CEP112: variants seen among roughly 807,000 people sequenced by gnomAD.
CEP112 encodes centrosomal protein of 112 kDa.
CEP112 carries 127 observed loss-of-function variants against 153.0 expected under a neutral mutation model. The observed-to-expected ratio is 0.83, with a 90% CI of 0.72 to 0.96. The LOEUF is 0.96. Among genes scored for constraint, CEP112 ranks in the 40% least tolerant of loss-of-function variants. The pLI is 0.00. For synonymous variants in CEP112, 358 were observed against 374.4 expected (o/e 0.96, Z 0.51); for missense variants, 1,089 against 1,101.2 (o/e 0.99, Z 0.16).
intron 2 of CEP112, 76 bp downstream of exon 2, chr17:66,183,118 A>G (rs1425766634): frequency 2.0e-6 from 2 of 999,264 alleles, no homozygotes; most frequent in Non-Finnish European, 2.9e-6. Context: ...TTCCATGTTG[A>G]TAGTTCATTG....
At chr17:65,640,152 ATAT>A (rs1294825101) in intron 25 of CEP112, among the ~76,000 whole-genome samples, 25 of 68,682 alleles carry the variant, frequency 3.6e-4, no homozygotes, top group African/African-American at 1.9e-3. Flanking sequence ...ATATATATAT[ATAT>A]TTTTTTTTTT....
Position 65,750,535 on chromosome 17 carries a change from T to C in CEP112, c.2457+127A>G, listed in dbSNP as rs2145246054. On this transcript the variant is annotated intron_variant, in intron 22 of 26. Transcript: ENST00000535342. Reference sequence around the variant, plus strand: ...TTGTTTATTTGTATACCCATAAAAATATGATACCATTCCACAAAAAAAAAC... The same window carrying C: ...TTGTTTATTTGTATACCCATAAAAACATGATACCATTCCACAAAAAAAAAC... The C allele has an allele frequency of 5.7e-6, 4 of 707,418 alleles. No homozygotes were observed. In the East Asian group the frequency reaches 8.0e-5, roughly 14 times the overall value. 43.8% of individuals were successfully genotyped at this position (707,418 alleles called of 1,614,324 possible).
At chr17:65,742,991 C>T (rs1182629755) in intron 23 of CEP112, 77 bp downstream of exon 23, 9 of 1,174,724 alleles carry the variant, frequency 7.7e-6, no homozygotes, top group Non-Finnish European at 8.3e-6. Flanking sequence ...TTCATCTGCC[C>T]ACTGCTGGGA....
chr17:65,731,268 T>C (rs140404865), intron 23 of CEP112, among the ~76,000 whole-genome samples: 79 of 152,292 alleles, frequency 5.2e-4, no homozygotes, highest in Non-Finnish European at 9.1e-4. Context: ...TATACCATGA[T>C]AAAGAGAGTC....
At chr17:65,794,312 G>A (rs2054777013) in intron 21 of CEP112, among the ~76,000 whole-genome samples, 2 of 152,142 alleles carry the variant, frequency 1.3e-5, no homozygotes, top group South Asian at 4.1e-4. Context: ...ATAGACAAAT[G>A]ATCTGTTTCA....
intron 21 of CEP112, among the ~76,000 whole-genome samples, chr17:65,842,824 T>C (rs779603563): frequency 6.6e-5 from 10 of 152,320 alleles, no homozygotes; most frequent in Non-Finnish European, 1.2e-4. Context: ...TGGTTTGATT[T>C]GTGTATTTTG....
At chr17:66,004,596 G>A (rs1451401117) in intron 17 of CEP112, among the ~76,000 whole-genome samples, 3 of 152,062 alleles carry the variant, frequency 2.0e-5, no homozygotes, top group Non-Finnish European at 4.4e-5. Flanking sequence ...ATATTGACAA[G>A]GTAAACAAAT....
intron 23 of CEP112, among the ~76,000 whole-genome samples, chr17:65,718,195 C>CAGG (rs1338143205): frequency 6.6e-6 from 1 of 152,076 alleles, no homozygotes; most frequent in Non-Finnish European, 1.5e-5. Flanking sequence ...CACCTGAGGT[C>CAGG]AGGAGTTCGA....
At chr17:65,897,551 TC>T (rs1340238865) in intron 20 of CEP112, among the ~76,000 whole-genome samples, 1 of 152,114 alleles carries the variant, frequency 6.6e-6, no homozygotes, top group Non-Finnish European at 1.5e-5. Flanking sequence ...AATTTCTACT[TC>T]CTAAAGACAC....
At chr17:65,969,871 C>T (rs1037672958) in intron 17 of CEP112, among the ~76,000 whole-genome samples, 2 of 152,156 alleles carry the variant, frequency 1.3e-5, no homozygotes, top group South Asian at 4.1e-4. Flanking sequence ...ATTACATGTG[C>T]ATTATGTGTA....
intron 17 of CEP112, among the ~76,000 whole-genome samples, chr17:66,004,793 T>C (rs1343678632): frequency 6.6e-6 from 1 of 152,212 alleles, no homozygotes; most frequent in African/African-American, 2.4e-5. Flanking sequence ...GGTATTCTTT[T>C]TGGCCTTTCT....
chr17:65,760,589 G>A (rs943805279), intron 21 of CEP112, among the ~76,000 whole-genome samples: 1 of 152,156 alleles, frequency 6.6e-6, no homozygotes, highest in African/African-American at 2.4e-5. Context: ...GCATAACTGG[G>A]ATACATTCCA....
intron 21 of CEP112, among the ~76,000 whole-genome samples, chr17:65,768,127 G>A (rs1020455533): frequency 2.0e-5 from 3 of 151,976 alleles, no homozygotes; most frequent in African/African-American, 7.2e-5. Flanking sequence ...CTGTTGACTG[G>A]AAGCCTTACT....
chr17:66,131,988 G>A (rs890121227), intron 5 of CEP112, among the ~76,000 whole-genome samples: 6 of 151,414 alleles, frequency 4.0e-5, no homozygotes, highest in African/African-American at 1.5e-4. Flanking sequence ...GGTCAACATG[G>A]TGAAACCCTG....
At chr17:65,857,907 A>G (rs190895507) in intron 20 of CEP112, among the ~76,000 whole-genome samples, 1 of 152,258 alleles carries the variant, frequency 6.6e-6, no homozygotes. Flanking sequence ...TTTGACTACT[A>G]TTTCAATTTT....
At chr17:65,880,134 T>C (rs1348533161) in intron 20 of CEP112, among the ~76,000 whole-genome samples, 3 of 152,232 alleles carry the variant, frequency 2.0e-5, no homozygotes, top group Non-Finnish European at 4.4e-5. Context: ...TTGTTACTCA[T>C]GTATAAAAAT....
intron 18 of CEP112, among the ~76,000 whole-genome samples, chr17:65,937,209 C>T (rs1427867131): frequency 7.4e-6 from 1 of 134,572 alleles, no homozygotes; most frequent in African/African-American, 2.7e-5. Flanking sequence ...CCCAAAGTGC[C>T]GAGATTGCAG....
chr17:65,672,024 T>A (rs1424459835), intron 24 of CEP112, among the ~76,000 whole-genome samples: 2 of 152,208 alleles, frequency 1.3e-5, no homozygotes, highest in Admixed American at 6.5e-5. Flanking sequence ...TTAGGAATGA[T>A]ACAATTGCCT....
chr17:66,091,992 C>G (rs1213741757), intron 8 of CEP112, among the ~76,000 whole-genome samples: 2 of 150,622 alleles, frequency 1.3e-5, no homozygotes, highest in African/African-American at 4.9e-5. Flanking sequence ...AATAAAAAAG[C>G]TGAAGAAATC....
Sources: allele counts gnomAD v4.1 joint callset (sites outside exome capture counted in the v4.1 genomes callset), GRCh38; gene constraint gnomAD v4.1.1; transcripts MANE v1.5; gene names NCBI Gene and HGNC (gene_info 2026-07-23, HGNC 2026-07-21).